ABCC9: variants seen among roughly 807,000 people sequenced by gnomAD.
The protein encoded by ABCC9 is ATP binding cassette subfamily C member 9.
A neutral mutation model predicts 188.3 loss-of-function variants in ABCC9; 95 were observed. The ratio of observed to expected loss-of-function variants is 0.50; its 90% CI spans 0.43 to 0.60. The LOEUF (loss-of-function observed/expected upper bound fraction) is 0.60, where lower values mean the gene tolerates loss of function less well. Among genes scored for constraint, ABCC9 ranks in the 20% least tolerant of loss-of-function variants. The probability of loss-of-function intolerance (pLI) is 0.00; values close to 1 mark genes in which losing one functional copy is unlikely to be tolerated. For synonymous variants in ABCC9, 659 were observed against 652.7 expected, an observed-to-expected ratio of 1.01 and a Z score of -0.15; for missense variants, 1,102 against 1,876.3, an observed-to-expected ratio of 0.59 and a Z score of 7.62.
intron 26 of ABCC9, 60 bp from the exon 27 acceptor site, chr12:21,844,975 A>G: frequency 3.8e-6 from 6 of 1,578,220 alleles, no homozygotes; most frequent in East Asian, 2.3e-5. Flanking sequence ...CTTTCTTACT[A>G]GAAAACCAAA....
intron 15 of ABCC9, among the ~76,000 whole-genome samples, chr12:21,886,098 AT>A (rs1946863672): frequency 6.6e-6 from 1 of 152,168 alleles, no homozygotes; most frequent in Non-Finnish European, 1.5e-5. Flanking sequence ...TTTCTTCAAA[AT>A]TTTTTAGACA....
intron 32 of ABCC9, 74 bp from the exon 33 acceptor site, chr12:21,817,381 G>T (rs750069587): frequency 4.8e-6 from 7 of 1,470,674 alleles, no homozygotes; most frequent in Admixed American, 1.7e-5. Context: ...CGGAAATTTT[G>T]GAACGAGATA....
At chr12:21,937,571 G>T (rs1253019686) in intron 2 of ABCC9, among the ~76,000 whole-genome samples, 1 of 152,138 alleles carries the variant, frequency 6.6e-6, no homozygotes, top group Non-Finnish European at 1.5e-5. Flanking sequence ...TTAATGCTGT[G>T]CCCAAACAGA....
chr12:21,841,579 G>A (rs1217003481), intron 29 of ABCC9, among the ~76,000 whole-genome samples: 2 of 151,428 alleles, frequency 1.3e-5, no homozygotes, highest in East Asian at 1.9e-4. Flanking sequence ...GGCTGGTCTC[G>A]AACTCCTGAC....
At chr12:21,836,129 T>C (rs777399842) in intron 30 of ABCC9, among the ~76,000 whole-genome samples, 7 of 152,186 alleles carry the variant, frequency 4.6e-5, no homozygotes, top group Admixed American at 6.5e-5. Context: ...TAATCTCTCA[T>C]GTGGACCACT....
In ABCC9 at chr12:21,860,006, C is replaced by T. The variant is rs1461862815; in HGVS notation, c.2425-340G>A. Among the ~76,000 whole-genome samples the T allele has an allele frequency of 1.4e-4, 21 of 151,914 alleles. 2 individuals are homozygous for T. The highest frequency in any genetic ancestry group is 1.4e-3 in the Admixed American group (21 of 15,258). ...TGAGTTGTGTCTGTAGTTTACTTAA[C>T]ATACAACCCAAATTTGATATTATGA... On this transcript the variant is annotated intron_variant, in intron 21 of 39. Transcript: ENST00000261200.
At chr12:21,809,571 A>T (rs1389181036) in intron 37 of ABCC9, among the ~76,000 whole-genome samples, 1 of 152,130 alleles carries the variant, frequency 6.6e-6, no homozygotes, top group Non-Finnish European at 1.5e-5. Flanking sequence ...CATCCATTAC[A>T]ATGACCTGTA....
intron 30 of ABCC9, among the ~76,000 whole-genome samples, chr12:21,836,039 A>C (rs1003856287): frequency 1.3e-5 from 2 of 152,028 alleles, no homozygotes; most frequent in Non-Finnish European, 2.9e-5. Context: ...TTTGCTCCTA[A>C]ATCTCATTGT....
At chr12:21,880,718 A>T (rs1946578933) in intron 16 of ABCC9, among the ~76,000 whole-genome samples, 1 of 152,078 alleles carries the variant, frequency 6.6e-6, no homozygotes, top group Non-Finnish European at 1.5e-5. Context: ...AATGAGAAGC[A>T]TTTTTTTGGT....
At chr12:21,890,921 G>A (rs977626844) in intron 14 of ABCC9, among the ~76,000 whole-genome samples, 2 of 151,808 alleles carry the variant, frequency 1.3e-5, no homozygotes, top group Admixed American at 6.6e-5. Flanking sequence ...GTATACATAT[G>A]TAACAAACTT....
At chr12:21,848,887 C>T (rs1042188033) in intron 24 of ABCC9, among the ~76,000 whole-genome samples, 8 of 152,134 alleles carry the variant, frequency 5.3e-5, no homozygotes, top group African/African-American at 1.7e-4. Flanking sequence ...GTGCCAAAAA[C>T]AAACTTTGCA....
chr12:21,828,982 G>C lies in ABCC9; in HGVS notation c.3645C>G (p.Ala1215=). ...CCGTCCTGACCTCCAGCCATCTGTT[G>C]GCAGCTGAGAGAAATAAGTAGGCAA... is the stretch of plus-strand genomic sequence containing the variant. ...NNIAYLFLSA[A]NRWLEVRTDY... Residue 1215 remains alanine (A), a synonymous_variant, in exon 31 of 40, where the codon GCC becomes GCG. Transcript: ENST00000261200. 1 of 1,613,900 alleles carries C rather than the reference G, an allele frequency of 6.2e-7. No homozygotes were observed. The highest frequency in any genetic ancestry group is 8.5e-7 in the Non-Finnish European group (1 of 1,179,880).
At chr12:21,888,039 T>C in intron 14 of ABCC9, 105 bp from the exon 15 acceptor site, 1 of 842,332 alleles carries the variant, frequency 1.2e-6, no homozygotes, top group African/African-American at 1.7e-5. Context: ...GTGAGTAGGA[T>C]GCCTGTGAGA....
At chr12:21,870,109 T>C (rs188914188) in intron 18 of ABCC9, among the ~76,000 whole-genome samples, 29 of 152,312 alleles carry the variant, frequency 1.9e-4, no homozygotes, top group Admixed American at 1.4e-3. Context: ...TATTATATAA[T>C]CTATAATCTA....
chr12:21,893,985 AT>A, intron 14 of ABCC9, 46 bp downstream of exon 14: 1 of 1,598,938 alleles, frequency 6.3e-7, no homozygotes, highest in East Asian at 2.2e-5. Context: ...AGCACACGTC[AT>A]TTCTATTATC....
chr12:21,920,671 A>C (rs1449187687), intron 5 of ABCC9, among the ~76,000 whole-genome samples: 1 of 151,886 alleles, frequency 6.6e-6, no homozygotes, highest in Non-Finnish European at 1.5e-5. Flanking sequence ...CATTTTTCCT[A>C]ATTTTTGTAC....
chr12:21,819,550 C>T (rs1761502238), intron 31 of ABCC9, among the ~76,000 whole-genome samples: 1 of 152,144 alleles, frequency 6.6e-6, no homozygotes, highest in Admixed American at 6.6e-5. Flanking sequence ...TTAATGAGCT[C>T]AGACAAGCAA....
chr12:21,803,137 C>G (rs1372012861), intron 39 of ABCC9, among the ~76,000 whole-genome samples: 2 of 151,606 alleles, frequency 1.3e-5, no homozygotes, highest in East Asian at 3.9e-4. Flanking sequence ...GTTTATTTAT[C>G]TTTGAGAAAG....
At chr12:21,842,201 C>T (rs1459712090) in intron 29 of ABCC9, 113 bp downstream of exon 29, 4 of 1,322,490 alleles carry the variant, frequency 3.0e-6, no homozygotes, top group African/African-American at 2.9e-5. Context: ...TTTGGAACTT[C>T]GTGGAATGTT....
Sources: allele counts gnomAD v4.1 joint callset (sites outside exome capture counted in the v4.1 genomes callset), GRCh38; gene constraint gnomAD v4.1.1; transcripts MANE v1.5; gene names NCBI Gene and HGNC (gene_info 2026-07-23, HGNC 2026-07-21).